Variants in MTBP observed in about 807,000 individuals in gnomAD.
MTBP encodes the protein mdm2-binding protein.
In MTBP, 101 loss-of-function variants were observed where a neutral mutation model predicts 117.0. The observed-to-expected ratio is 0.86, with a 90% confidence interval of 0.73 to 1.02. The LOEUF is 1.02. MTBP is among the 50% of genes least tolerant of loss of function. The pLI is 0.00. For missense variants in MTBP, 970 were observed against 1,030.9 expected (o/e 0.94, Z 0.81); for synonymous variants, 350 against 351.5 (o/e 1.00, Z 0.05).
chr8:120,517,874 A>G lies in MTBP; in HGVS notation c.2270A>G (p.Glu757Gly). ...RKRLVKSESSESLLSQTTGNS... is the reference protein window; with the variant it reads ...RKRLVKSESSGSLLSQTTGNS... ...AGACTTGTGAAATCTGAAAGTTCAGAGTCTCTTCTTTCTCAGACAACTGGT... is the reference window on the plus strand; with the variant it reads ...AGACTTGTGAAATCTGAAAGTTCAGGGTCTCTTCTTTCTCAGACAACTGGT... Residue 757 changes from glutamate to glycine, a missense_variant, in exon 19 of 22, where the codon GAG becomes GGG. Transcript: ENST00000305949. The G allele has an allele frequency of 6.2e-7, 1 of 1,611,240 alleles. No individual in the cohort carries two copies. The highest frequency in any genetic ancestry group is 8.5e-7 in the Non-Finnish European group (1 of 1,177,974).
At chr8:120,481,447 CAT>C (rs1491471075) in intron 11 of MTBP, among the ~76,000 whole-genome samples, 1 of 99,432 alleles carries the variant, frequency 1.0e-5, no homozygotes. Context: ...GTGAAGAGAT[CAT>C]TTTTTTTTGC....
chr8:120,476,855 C>T (rs1383200911), intron 11 of MTBP, among the ~76,000 whole-genome samples: 1 of 152,162 alleles, frequency 6.6e-6, no homozygotes, highest in Admixed American at 6.5e-5. Flanking sequence ...GGAATGCTAT[C>T]CCCATCAAGC....
intron 7 of MTBP, 113 bp downstream of exon 7, chr8:120,456,783 C>T (rs1311404375): frequency 5.9e-6 from 4 of 681,872 alleles, no homozygotes; most frequent in Admixed American, 2.6e-5. Flanking sequence ...TAGAATAGCA[C>T]TAAGTAGAAC....
chr8:120,511,815 A>AAT (rs1814816027), intron 17 of MTBP, among the ~76,000 whole-genome samples: 1 of 151,844 alleles, frequency 6.6e-6, no homozygotes, highest in African/African-American at 2.4e-5. Flanking sequence ...AGAAAAAAAC[A>AAT]ATATATATAT....
At chr8:120,472,120 C>G (rs1373708849) in intron 11 of MTBP, 1 of 152,016 alleles carries the variant, frequency 6.6e-6, no homozygotes, top group Non-Finnish European at 1.5e-5. Flanking sequence ...GTAATTGAAA[C>G]TATTATGAAG....
intron 11 of MTBP, among the ~76,000 whole-genome samples, chr8:120,478,104 G>A (rs7832933): frequency 0.077 from 11,727 of 152,146 alleles, 655 homozygotes; most frequent in East Asian, 0.19. Context: ...TCCTTTGCAC[G>A]GACATGGATG....
At chr8:120,508,461 C>G (rs944085481) in intron 16 of MTBP, among the ~76,000 whole-genome samples, 2 of 152,098 alleles carry the variant, frequency 1.3e-5, no homozygotes, top group African/African-American at 4.8e-5. Context: ...TTTTAATAAT[C>G]ATCGAAATAC....
intron 8 of MTBP, 60 bp downstream of exon 8, chr8:120,459,409 T>A (rs1047327390): frequency 5.3e-6 from 8 of 1,499,364 alleles, no homozygotes; most frequent in African/African-American, 4.2e-5. Context: ...CTATAAAATA[T>A]GTTTGAATCT....
chr8:120,466,377 A>T (rs1813694630), intron 10 of MTBP, among the ~76,000 whole-genome samples: 1 of 151,240 alleles, frequency 6.6e-6, no homozygotes, highest in Non-Finnish European at 1.5e-5. Context: ...ATGGTTGGCT[A>T]ATTTTTTTTT....
Position 120,462,016 on chromosome 8 carries a change from G to C in MTBP, c.977+761G>C, listed in dbSNP as rs188158751. 2.6e-5 allele frequency among the ~76,000 whole-genome samples: 4 copies of C among 152,302 alleles called. No homozygotes were observed. In the East Asian group the frequency reaches 5.8e-4, roughly 22 times the overall value. On this transcript the variant is annotated intron_variant, in intron 9 of 21. Coordinates refer to ENST00000305949, the MANE Select transcript of MTBP (RefSeq NM_022045.5). ...AACGTTACCCAGCTGAGAACTGTTT[G>C]TAGTCTAGAATCATTAAAGAGTAGT...
At chr8:120,458,319 C>T (rs1024233508) in intron 7 of MTBP, among the ~76,000 whole-genome samples, 1 of 152,106 alleles carries the variant, frequency 6.6e-6, no homozygotes, top group Non-Finnish European at 1.5e-5. Context: ...CTGCAGTTGT[C>T]TTCATCTGTA....
chr8:120,461,469 T>C (rs1813582507), intron 9 of MTBP, among the ~76,000 whole-genome samples: 1 of 152,190 alleles, frequency 6.6e-6, no homozygotes, highest in African/African-American at 2.4e-5. Context: ...CCTATACCTA[T>C]TTTATCAGAA....
intron 10 of MTBP, among the ~76,000 whole-genome samples, chr8:120,469,025 T>G (rs1000513872): frequency 6.6e-6 from 1 of 152,024 alleles, no homozygotes; most frequent in African/African-American, 2.4e-5. Flanking sequence ...CTTATTGAGC[T>G]TTTGGGGGTT....
At chr8:120,508,668 G>A (rs1395713505) in intron 16 of MTBP, among the ~76,000 whole-genome samples, 1 of 152,096 alleles carries the variant, frequency 6.6e-6, no homozygotes, top group Non-Finnish European at 1.5e-5. Context: ...CCATAGGGGG[G>A]AAAATGTGAT....
At chr8:120,453,706 T>C in intron 4 of MTBP, 141 bp from the exon 5 acceptor site, 1 of 399,826 alleles carries the variant, frequency 2.5e-6, no homozygotes, top group Non-Finnish European at 4.5e-6. Context: ...CCTGGAATTG[T>C]CATAAAGATC....
chr8:120,489,873 C>T lies in MTBP; in HGVS notation c.1340-590C>T, dbSNP rs141382658. Among the ~76,000 whole-genome samples the T allele has an allele frequency of 3.5e-3, 531 of 152,236 alleles. 2 individuals are homozygous for T. Among genetic ancestry groups the T allele is most frequent in the African/African-American group, 0.012 (483 of 41,546 alleles). ...AGGGGCCATGTGACTCATTGGGCAA[C>T]GCTTTGAAGGACATCCTGCTTTTAG... On this transcript the variant is annotated intron_variant, in intron 12 of 21. Transcript: ENST00000305949.
intron 6 of MTBP, among the ~76,000 whole-genome samples, chr8:120,456,093 A>G (rs760702627): frequency 1.3e-4 from 20 of 152,184 alleles, no homozygotes; most frequent in Non-Finnish European, 1.9e-4. Flanking sequence ...TTGTAAGTTA[A>G]GAAAGTGAGA....
intron 10 of MTBP, among the ~76,000 whole-genome samples, chr8:120,466,030 T>C (rs1468923481): frequency 6.6e-6 from 1 of 152,148 alleles, no homozygotes; most frequent in Non-Finnish European, 1.5e-5. Flanking sequence ...TCTCAAACCA[T>C]GATTGTAAAA....
chr8:120,490,510 A>C lies in MTBP; in HGVS notation c.1387A>C (p.Ile463Leu). ...ACTTCCACATTTTTCTGGGGAGCAG[A>C]TTGTACAGAGAGAGAAACAGTTAGC... Reference protein sequence around the residue: ...LSLPHFSGEQIVQREKQLANV... With the variant: ...LSLPHFSGEQLVQREKQLANV... Residue 463 changes from isoleucine (I) to leucine (L), a missense_variant, in exon 13 of 22, where the codon ATT (isoleucine) becomes CTT (leucine). Coordinates refer to ENST00000305949, the MANE Select transcript of MTBP (RefSeq NM_022045.5). 6.2e-7 allele frequency: 1 copy of C among 1,608,938 alleles called. No individual in the cohort carries two copies. Among genetic ancestry groups the C allele is most frequent in the Non-Finnish European group, 8.5e-7 (1 of 1,178,690 alleles).
Sources: allele counts gnomAD v4.1 joint callset (sites outside exome capture counted in the v4.1 genomes callset), GRCh38; gene constraint gnomAD v4.1.1; transcripts MANE v1.5; gene names NCBI Gene and HGNC (gene_info 2026-07-23, HGNC 2026-07-21).